The following PIK3C2G variants were observed in gnomAD, a reference collection of about 807,000 sequenced individuals.
PIK3C2G encodes the protein phosphatidylinositol 3-kinase C2 domain-containing subunit gamma.
Under a neutral mutation model 181.1 loss-of-function variants are expected in PIK3C2G, and 168 were observed. The observed-to-expected ratio is 0.93, with a 90% confidence interval of 0.82 to 1.05. The LOEUF is 1.05. Ranked by LOEUF, PIK3C2G falls within the 50% of genes least tolerant of loss-of-function variation. The pLI, the probability that PIK3C2G is intolerant of heterozygous loss-of-function variation, is 0.00. For missense variants in PIK3C2G, 1,869 were observed against 1,732.8 expected, an observed-to-expected ratio of 1.08 and a Z score of -1.40; for synonymous variants, 573 against 592.2, an observed-to-expected ratio of 0.97 and a Z score of 0.47.
intron 24 of PIK3C2G, among the ~76,000 whole-genome samples, chr12:18,505,704 T>C (rs1276990590): frequency 2.6e-5 from 4 of 152,238 alleles, no homozygotes; most frequent in Admixed American, 6.5e-5. Flanking sequence ...GAGAAGCAGC[T>C]AATCCTGTTT....
At chr12:18,499,704 G>A (rs939728682) in intron 22 of PIK3C2G, among the ~76,000 whole-genome samples, 2 of 152,188 alleles carry the variant, frequency 1.3e-5, no homozygotes, top group African/African-American at 2.4e-5. Context: ...GAGGCTCAAA[G>A]GTTGATTGCA....
chr12:18,474,647 A>T (rs1938794682), intron 18 of PIK3C2G, among the ~76,000 whole-genome samples: 1 of 152,138 alleles, frequency 6.6e-6, no homozygotes, highest in Non-Finnish European at 1.5e-5. Flanking sequence ...AAAAAAAGTT[A>T]AAGTAAAGCA....
chr12:18,693,389 T>C, the PIK3C2G span: 1 of 1,604,494 alleles, frequency 6.2e-7, no homozygotes, highest in Non-Finnish European at 8.5e-7. Flanking sequence ...TGGAGCTTCC[T>C]CTCACCCATC....
At chr12:18,684,104 A>G in the PIK3C2G span, 1 of 1,608,194 alleles carries the variant, frequency 6.2e-7, no homozygotes, top group Non-Finnish European at 8.5e-7. Context: ...ATGCTGGTAC[A>G]ATCATCTAAC....
chr12:18,363,904 C>T (rs936298205), intron 12 of PIK3C2G, among the ~76,000 whole-genome samples: 4 of 152,154 alleles, frequency 2.6e-5, no homozygotes, highest in African/African-American at 9.7e-5. Flanking sequence ...AGGACCATGA[C>T]AATCTCTATC....
chr12:18,509,325 G>A (rs879432386), intron 24 of PIK3C2G, among the ~76,000 whole-genome samples: 21 of 152,310 alleles, frequency 1.4e-4, no homozygotes, highest in Admixed American at 2.6e-4. Flanking sequence ...TGAGATTACA[G>A]GCGTGAGCCA....
chr12:18,670,294 G>GCACA, the PIK3C2G span, among the ~76,000 whole-genome samples: 6 of 150,324 alleles, frequency 4.0e-5, no homozygotes, highest in African/African-American at 7.3e-5. Flanking sequence ...ACACATATGC[G>GCACA]CACACACACA....
chr12:18,708,417 A>G, the PIK3C2G span, among the ~76,000 whole-genome samples: 1 of 152,224 alleles, frequency 6.6e-6, no homozygotes, highest in African/African-American at 2.4e-5. Flanking sequence ...TCTGTCAATG[A>G]ACACTAGGTT....
chr12:18,592,630 AG>A (rs1394940370), intron 29 of PIK3C2G, among the ~76,000 whole-genome samples: 11 of 151,936 alleles, frequency 7.2e-5, no homozygotes, highest in Admixed American at 7.2e-4. Context: ...TGTTTGCATC[AG>A]GGAAGAGAAA....
chr12:18,653,135 GC>G, downstream of PIK3C2G, among the ~76,000 whole-genome samples: 1 of 152,010 alleles, frequency 6.6e-6, no homozygotes, highest in Non-Finnish European at 1.5e-5. Flanking sequence ...TCATTGCCTG[GC>G]TACTAATATC....
chr12:18,365,061 A>G (rs1941541425), intron 12 of PIK3C2G, among the ~76,000 whole-genome samples: 1 of 152,156 alleles, frequency 6.6e-6, no homozygotes, highest in Non-Finnish European at 1.5e-5. Context: ...TCTAAACTCA[A>G]TTTCAAAGAA....
rs145332890 is a variant in PIK3C2G, at chr12:18,588,296, T to G, written c.4012-6198T>G. On this transcript the variant is annotated intron_variant, in intron 29 of 32. Transcript: ENST00000538779. The stretch of plus-strand genomic sequence containing the variant: ...AGCTTCTGCACAGCAAAAGAAATAA[T>G]TAACAGAGTAAGCAGAAAACCTACT... Among the ~76,000 whole-genome samples the G allele has an allele frequency of 6.6e-3, 1,006 of 152,012 alleles. 8 individuals are homozygous for G. The highest frequency in any genetic ancestry group is 0.023 in the African/African-American group (963 of 41,490).
intron 18 of PIK3C2G, among the ~76,000 whole-genome samples, chr12:18,475,977 G>T (rs538545644): frequency 1.3e-5 from 2 of 152,098 alleles, no homozygotes; most frequent in South Asian, 2.1e-4. Flanking sequence ...GTCACAAGGA[G>T]AAACTGTTGA....
At chr12:18,450,362 G>T (rs971860251) in intron 18 of PIK3C2G, among the ~76,000 whole-genome samples, 7 of 152,138 alleles carry the variant, frequency 4.6e-5, no homozygotes, top group African/African-American at 1.7e-4. Context: ...CCAACCTCAG[G>T]TGATCCACCC....
At chr12:18,293,593 A>G (rs1949805029) in intron 4 of PIK3C2G, among the ~76,000 whole-genome samples, 1 of 152,156 alleles carries the variant, frequency 6.6e-6, no homozygotes, top group South Asian at 2.1e-4. Flanking sequence ...TCCCTAAGAG[A>G]AACTGCAGTA....
chr12:18,681,823 T>C, the PIK3C2G span, among the ~76,000 whole-genome samples: 17 of 152,046 alleles, frequency 1.1e-4, no homozygotes. Flanking sequence ...CAAAGCTTGA[T>C]GGTATAAATG....
chr12:18,363,611 T>C (rs1941428195), intron 12 of PIK3C2G, among the ~76,000 whole-genome samples: 1 of 151,922 alleles, frequency 6.6e-6, no homozygotes, highest in South Asian at 2.1e-4. Flanking sequence ...TTCACTCAGA[T>C]CAATATTCTT....
chr12:18,720,209 T>C, the PIK3C2G span, among the ~76,000 whole-genome samples: 1 of 152,106 alleles, frequency 6.6e-6, no homozygotes, highest in South Asian at 2.1e-4. Flanking sequence ...TCATTCCCAT[T>C]ACTTTACAGT....
rs369743621 is a variant in PIK3C2G at position 18,491,572 on chromosome 12, T to C, written c.2793+14T>C. 1.7e-5 allele frequency: 23 copies of C among 1,319,216 alleles called. No individual in the cohort carries two copies. The African/African-American group carries it at 3.3e-4, about 19-fold the overall frequency. The allele number at this position is 1,319,216 out of a possible 1,614,324, so 81.7% of individuals were successfully genotyped here. ...ATTGATCACGATGTAAGTCAACTTA[T>C]TCCTCAGATTAATGGAATATTTCTG... On this transcript the variant is annotated intron_variant, in intron 20 of 32. Coordinates refer to ENST00000538779, the MANE Select transcript of PIK3C2G (RefSeq NM_001288772.2).
Sources: gnomAD v4.1 joint callset for allele counts (sites outside exome capture counted in the v4.1 genomes callset) on GRCh38, gnomAD v4.1.1 for gene constraint, MANE v1.5 for transcripts, NCBI Gene and HGNC (gene_info 2026-07-23, HGNC 2026-07-21) for gene names.